DHRSX: variants seen among roughly 807,000 people sequenced by gnomAD.
DHRSX encodes the protein dehydrogenase/reductase X-linked.
DHRSX carries 31 observed loss-of-function variants against 34.0 expected under a neutral mutation model. That is an observed-to-expected ratio of 0.91 (90% CI 0.69 to 1.23). The LOEUF (loss-of-function observed/expected upper bound fraction) is 1.23, where lower values mean the gene tolerates loss of function less well. Among genes scored for constraint, DHRSX ranks in the 50% most tolerant of loss-of-function variants. DHRSX has a pLI of 0.00. For missense variants in DHRSX, 414 were observed against 428.1 expected (o/e 0.97, Z 0.29); for synonymous variants, 201 against 183.8 (o/e 1.09, Z -0.76).
At chrX:2,431,457 T>G (rs2043921902) in intron 1 of DHRSX, among the ~76,000 whole-genome samples, 1 of 152,200 alleles carries the variant, frequency 6.6e-6, no homozygotes, top group Admixed American at 6.5e-5. Flanking sequence ...GTGTGTCTTT[T>G]TGGTAGAATG....
intron 5 of DHRSX, among the ~76,000 whole-genome samples, chrX:2,246,748 G>GA (rs1556432542): frequency 7.7e-5 from 8 of 103,776 alleles, no homozygotes; most frequent in Non-Finnish European, 1.4e-4. Flanking sequence ...AAGAAAGAAA[G>GA]AAAAAGAAAG....
chrX:2,464,101 T>C (rs190281050), intron 1 of DHRSX, among the ~76,000 whole-genome samples: 1 of 152,158 alleles, frequency 6.6e-6, no homozygotes, highest in Non-Finnish European at 1.5e-5. Context: ...AGATGTTCCC[T>C]AAGTACGTGG....
At chrX:2,392,376 G>A (rs2043344770) in intron 3 of DHRSX, 2 of 238,562 alleles carry the variant, frequency 8.4e-6, no homozygotes, top group Non-Finnish European at 8.3e-6. Flanking sequence ...AAATGATGGT[G>A]CACGCCTGTA....
intron 3 of DHRSX, among the ~76,000 whole-genome samples, chrX:2,380,893 T>G (rs2043194547): frequency 1.3e-5 from 2 of 152,128 alleles, no homozygotes; most frequent in South Asian, 4.1e-4. Context: ...TGAGACGGAG[T>G]CTCACACAGT....
chrX:2,313,795 G>C (rs1256222168), intron 3 of DHRSX, among the ~76,000 whole-genome samples: 2 of 152,166 alleles, frequency 1.3e-5, no homozygotes, highest in Non-Finnish European at 2.9e-5. Flanking sequence ...ATGTACCCCA[G>C]GTGGTCGGGG....
intron 1 of DHRSX, among the ~76,000 whole-genome samples, chrX:2,460,387 C>T (rs1040511115): frequency 6.6e-6 from 1 of 152,072 alleles, no homozygotes; most frequent in Non-Finnish European, 1.5e-5. Flanking sequence ...TTCTGGGGGA[C>T]ACTGATTTTC....
chrX:2,324,414 A>G (rs2042351567), intron 3 of DHRSX, among the ~76,000 whole-genome samples: 1 of 152,074 alleles, frequency 6.6e-6, no homozygotes. Context: ...CGGGGCCCCC[A>G]CTTCTTCAGC....
intron 3 of DHRSX, among the ~76,000 whole-genome samples, chrX:2,312,367 G>T (rs546475337): frequency 6.6e-6 from 1 of 152,028 alleles, no homozygotes; most frequent in Non-Finnish European, 1.5e-5. Context: ...AATGTGGCAC[G>T]TAGACACCAT....
intron 6 of DHRSX, among the ~76,000 whole-genome samples, chrX:2,236,312 G>A (rs917000469): frequency 6.6e-6 from 1 of 152,170 alleles, no homozygotes; most frequent in African/African-American, 2.4e-5. Context: ...TGAAGGGAAG[G>A]AGAGGGATTG....
At chrX:2,425,139 T>C in intron 2 of DHRSX, 58 bp downstream of exon 2, 1 of 1,140,738 alleles carries the variant, frequency 8.8e-7, no homozygotes, top group Non-Finnish European at 1.2e-6. Context: ...CGATCCTGTC[T>C]CAGAAAAAAA....
chrX:2,374,368 G>T (rs1269780392), intron 3 of DHRSX, among the ~76,000 whole-genome samples: 1 of 152,110 alleles, frequency 6.6e-6, no homozygotes, highest in Non-Finnish European at 1.5e-5. Context: ...GGAGGCCGTG[G>T]TGGGAAGATT....
At chrX:2,223,043 G>T (rs1334392010) in intron 6 of DHRSX, among the ~76,000 whole-genome samples, 3 of 152,132 alleles carry the variant, frequency 2.0e-5, no homozygotes, top group Non-Finnish European at 4.4e-5. Context: ...CCCAAGTCTG[G>T]AAATCACCTA....
intron 1 of DHRSX, among the ~76,000 whole-genome samples, chrX:2,478,435 G>A (rs2044714726): frequency 1.3e-5 from 2 of 152,168 alleles, no homozygotes; most frequent in Non-Finnish European, 2.9e-5. Context: ...AACTGAAGAC[G>A]TTTTCTAAGA....
chrX:2,224,564 C>T (rs1330128664), intron 6 of DHRSX, among the ~76,000 whole-genome samples: 1 of 152,076 alleles, frequency 6.6e-6, no homozygotes, highest in African/African-American at 2.4e-5. Flanking sequence ...GAGATGACGA[C>T]GTGATGAAGT....
chrX:2,312,868 A>C (rs1203715848), intron 3 of DHRSX, among the ~76,000 whole-genome samples: 2 of 152,168 alleles, frequency 1.3e-5, no homozygotes, highest in African/African-American at 2.4e-5. Context: ...CCCATGGGCC[A>C]GATCCAATGT....
chrX:2,400,904 T>G (rs2043477518), intron 3 of DHRSX, among the ~76,000 whole-genome samples: 1 of 152,192 alleles, frequency 6.6e-6, no homozygotes. Flanking sequence ...CACAAAGATC[T>G]ATTTTCAAAG....
chrX:2,368,575 C>T (rs1228094246), intron 3 of DHRSX, among the ~76,000 whole-genome samples: 1 of 152,088 alleles, frequency 6.6e-6, no homozygotes, highest in Non-Finnish European at 1.5e-5. Context: ...TGAGGCCAGG[C>T]GCGGAAGCTC....
intron 3 of DHRSX, among the ~76,000 whole-genome samples, chrX:2,369,492 T>C (rs1432485244): frequency 7.0e-6 from 1 of 142,028 alleles, no homozygotes; most frequent in African/African-American, 2.8e-5. Context: ...GTTTTTGTTT[T>C]TTTTTGTTTG....
intron 3 of DHRSX, among the ~76,000 whole-genome samples, chrX:2,357,350 C>G (rs1447906576): frequency 6.7e-6 from 1 of 150,296 alleles, no homozygotes; most frequent in African/African-American, 2.4e-5. Context: ...AGGTTTCGTG[C>G]AAAGAAAAAA....
Sources: allele counts gnomAD v4.1 joint callset (sites outside exome capture counted in the v4.1 genomes callset), GRCh38; gene constraint gnomAD v4.1.1; transcripts MANE v1.5; gene names NCBI Gene and HGNC (gene_info 2026-07-23, HGNC 2026-07-21).